The following PCDH7 variants were observed in gnomAD, a reference collection of about 807,000 sequenced individuals.
PCDH7 encodes protocadherin-7.
In PCDH7, 17 loss-of-function variants were observed where a neutral mutation model predicts 58.9. The observed-to-expected ratio is 0.29, with a 90% confidence interval of 0.20 to 0.43. The LOEUF (loss-of-function observed/expected upper bound fraction) is 0.43, where lower values mean the gene tolerates loss of function less well. Among genes scored for constraint, PCDH7 ranks in the 20% least tolerant of loss-of-function variants. The pLI is 1.00. For synonymous variants in PCDH7, 664 were observed against 616.4 expected (o/e 1.08, Z -1.14); for missense variants, 1,274 against 1,441.0 (o/e 0.88, Z 1.88).
chr4:31,125,375 T>A (rs1718175983), intron 3 of PCDH7, among the ~76,000 whole-genome samples: 1 of 152,252 alleles, frequency 6.6e-6, no homozygotes, highest in Non-Finnish European at 1.5e-5. Flanking sequence ...CCACTATATC[T>A]GACATCCAGA....
intron 1 of PCDH7, among the ~76,000 whole-genome samples, chr4:30,764,465 T>G (rs1185296430): frequency 6.6e-6 from 1 of 152,214 alleles, no homozygotes; most frequent in African/African-American, 2.4e-5. Flanking sequence ...TTATCATTTA[T>G]CCCAAGATAT....
intron 3 of PCDH7, among the ~76,000 whole-genome samples, chr4:31,071,290 T>C (rs988005107): frequency 4.6e-5 from 7 of 152,104 alleles, no homozygotes; most frequent in African/African-American, 1.7e-4. Flanking sequence ...TGTACAGCTA[T>C]ATTTTTGTCA....
At chr4:30,972,483 T>C (rs1248545384) in intron 3 of PCDH7, among the ~76,000 whole-genome samples, 2 of 152,176 alleles carry the variant, frequency 1.3e-5, no homozygotes, top group Admixed American at 6.5e-5. Context: ...AATAGTCGAA[T>C]GAAGTGAGCC....
At chr4:31,082,809 T>C (rs1396453150) in intron 3 of PCDH7, among the ~76,000 whole-genome samples, 1 of 152,026 alleles carries the variant, frequency 6.6e-6, no homozygotes, top group Non-Finnish European at 1.5e-5. Flanking sequence ...GATAAAAAAC[T>C]ACACATTAAG....
chr4:30,852,079 A>G (rs1042050428), intron 1 of PCDH7, among the ~76,000 whole-genome samples: 1 of 152,110 alleles, frequency 6.6e-6, no homozygotes, highest in Non-Finnish European at 1.5e-5. Flanking sequence ...ATTAACCTCA[A>G]CAAAGCACCT....
chr4:31,125,572 A>G (rs952702366), intron 3 of PCDH7, among the ~76,000 whole-genome samples: 6 of 152,168 alleles, frequency 3.9e-5, no homozygotes, highest in South Asian at 2.1e-4. Flanking sequence ...TCTGTAGAAA[A>G]CGCAGTTCAA....
At chr4:31,126,829 C>CT (rs1289202370) in intron 3 of PCDH7, among the ~76,000 whole-genome samples, 2 of 152,130 alleles carry the variant, frequency 1.3e-5, no homozygotes, top group East Asian at 3.9e-4. Flanking sequence ...ATTTCTATTG[C>CT]TAACAATGCC....
Position 30,987,057 on chromosome 4 carries a change from G to A in PCDH7, c.*7+36842G>A, listed in dbSNP as rs73815131. ...TACAGTGTGACATTTTACACCTACA[G>A]GGAAATCACAGTATTCATAGATCAT... On this transcript the variant is annotated intron_variant, in intron 3 of 3. Coordinates refer to the PCDH7 transcript ENST00000509759. 3.7e-3 allele frequency among the ~76,000 whole-genome samples: 559 copies of A among 152,208 alleles called. 3 individuals carry two copies. Among genetic ancestry groups the A allele is most frequent in the African/African-American group, 0.013 (536 of 41,532 alleles).
In PCDH7 at chr4:31,032,550, G is replaced by C. The variant is rs1238203972; in HGVS notation, c.*7+82335G>C. 4.7e-5 allele frequency among the ~76,000 whole-genome samples: 7 copies of C among 150,514 alleles called. No individual in the cohort carries two copies. In the South Asian group the frequency reaches 1.5e-3, roughly 32 times the overall value. On this transcript the variant is annotated intron_variant, in intron 3 of 3. Coordinates refer to the PCDH7 transcript ENST00000509759. ...TTGAATCCAGGAGGTGGAGGTTTCA[G>C]TGAGCCGAGAATGTGCCACTGCACT...
chr4:30,897,097 G>A (rs1368635378), intron 1 of PCDH7, among the ~76,000 whole-genome samples: 2 of 151,470 alleles, frequency 1.3e-5, no homozygotes, highest in African/African-American at 2.4e-5. Flanking sequence ...GTAGACACAC[G>A]GTTTCACTGT....
intron 1 of PCDH7, among the ~76,000 whole-genome samples, chr4:30,751,762 G>A (rs1191760786): frequency 6.6e-6 from 1 of 152,062 alleles, no homozygotes; most frequent in Non-Finnish European, 1.5e-5. Context: ...ATTTTATTTT[G>A]AAGGAATTTC....
intron 3 of PCDH7, among the ~76,000 whole-genome samples, chr4:31,051,242 G>A (rs1039607137): frequency 2.0e-5 from 3 of 152,098 alleles, no homozygotes; most frequent in Non-Finnish European, 4.4e-5. Context: ...ATAATGATGT[G>A]TTTACATGAC....
chr4:30,931,229 G>A (rs1744538653), intron 2 of PCDH7, among the ~76,000 whole-genome samples: 1 of 151,966 alleles, frequency 6.6e-6, no homozygotes, highest in African/African-American at 2.4e-5. Flanking sequence ...TGATACTTCT[G>A]GAATTATCCT....
chr4:30,951,225 T>C (rs769958241), intron 3 of PCDH7, among the ~76,000 whole-genome samples: 31 of 152,288 alleles, frequency 2.0e-4, no homozygotes, highest in Admixed American at 7.2e-4. Context: ...TCTGTGTACA[T>C]AAACAAAGCA....
intron 1 of PCDH7, among the ~76,000 whole-genome samples, chr4:30,843,176 T>A (rs1324299738): frequency 1.3e-5 from 2 of 152,038 alleles, no homozygotes; most frequent in Non-Finnish European, 2.9e-5. Flanking sequence ...TTCTTCACAT[T>A]CCATCTTTCG....
intron 1 of PCDH7, among the ~76,000 whole-genome samples, chr4:30,905,276 G>A (rs1394590617): frequency 6.6e-6 from 1 of 152,000 alleles, no homozygotes; most frequent in Non-Finnish European, 1.5e-5. Context: ...TACTACTGGA[G>A]TTCCACTTGG....
intron 1 of PCDH7, among the ~76,000 whole-genome samples, chr4:30,728,298 G>T (rs2310223): frequency 0.12 from 7,522 of 60,604 alleles, 197 homozygotes; most frequent in African/African-American, 0.2. Flanking sequence ...TATATATATA[G>T]AGAGAGAGAG....
chr4:31,063,735 A>G (rs546545427), intron 3 of PCDH7, among the ~76,000 whole-genome samples: 18 of 152,072 alleles, frequency 1.2e-4, no homozygotes, highest in African/African-American at 4.3e-4. Flanking sequence ...TTTCTGCCTC[A>G]TTCTATAGAG....
At chr4:30,929,944 T>A (rs2109424937) in intron 2 of PCDH7, among the ~76,000 whole-genome samples, 1 of 152,096 alleles carries the variant, frequency 6.6e-6, no homozygotes, top group East Asian at 1.9e-4. Context: ...GAATGTAGAG[T>A]GTTATAAGAA....
Sources: allele counts gnomAD v4.1 joint callset (sites outside exome capture counted in the v4.1 genomes callset), GRCh38; gene constraint gnomAD v4.1.1; transcripts MANE v1.5; gene names NCBI Gene and HGNC (gene_info 2026-07-23, HGNC 2026-07-21).